The following ESCO1 variants were observed in gnomAD, a reference collection of about 807,000 sequenced individuals.
ESCO1 encodes establishment of sister chromatid cohesion N-acetyltransferase 1.
ESCO1 carries 33 observed loss-of-function variants against 83.5 expected under a neutral mutation model. That is an observed-to-expected ratio of 0.40 (90% CI 0.30 to 0.53). The LOEUF is 0.53. ESCO1 is among the 20% of genes least tolerant of loss of function. The pLI is 0.63. For synonymous variants in ESCO1, 332 were observed against 324.3 expected (o/e 1.02, Z -0.25); for missense variants, 855 against 968.0 (o/e 0.88, Z 1.55).
At chr18:21,569,362 G>A (rs1011787975) in intron 4 of ESCO1, among the ~76,000 whole-genome samples, 4 of 151,978 alleles carry the variant, frequency 2.6e-5, no homozygotes, top group African/African-American at 9.7e-5. Context: ...CTTTTGGGAG[G>A]CTGAGGCGGG....
At chr18:21,547,240 G>T (rs1328971928) in intron 8 of ESCO1, among the ~76,000 whole-genome samples, 1 of 150,814 alleles carries the variant, frequency 6.6e-6, no homozygotes, top group Non-Finnish European at 1.5e-5. Context: ...TTACATAAAA[G>T]ATCTTTATAA....
At chr18:21,536,590 CA>C (rs35366987) in intron 9 of ESCO1, among the ~76,000 whole-genome samples, 53,487 of 96,834 alleles carry the variant, frequency 0.55, 13,060 homozygotes, top group Middle Eastern at 0.67. Context: ...GACTCCATCT[CA>C]AAAAAAAAAA....
chr18:21,574,249 T>G lies in ESCO1; in HGVS notation c.595A>C (p.Asn199His). The part of the protein sequence containing the change: ...DENLVINEVI[N>H]SPKGKKRKVE... The stretch of plus-strand genomic sequence containing the variant: ...TTGCGTTTTTTCCCTTTGGGAGAAT[T>G]TATTACTTCATTAATTACTAGATTT... The change falls in exon 4 of 12, where the codon AAT (asparagine) becomes CAT (histidine). Residue 199 changes from asparagine to histidine, a missense_variant. This residue lies in a region of ESCO1 where 726 missense variants were observed against 699.5 expected (regional missense o/e 1.04). Transcript: ENST00000269214. The G allele has an allele frequency of 6.2e-7, 1 of 1,613,900 alleles. No homozygotes were observed. The highest frequency in any genetic ancestry group is 8.5e-7 in the Non-Finnish European group (1 of 1,180,008).
rs766040297 is a variant in ESCO1 at position 21,530,398 on chromosome 18, C to T, written c.2468G>A (p.Cys823Tyr). The change falls in exon 12 of 12, where the codon TGT becomes TAT. Residue 823 changes from cysteine (C) to tyrosine (Y), a missense_variant. Physicochemically the swap from Cys to Tyr is radical, Grantham distance 194. Transcript: ENST00000269214. ...ATATACCAGAAATTGACCAGTGCCA[C>T]AGTACTGTGTTGCAAACAGCTTTCC... Reference protein sequence around the residue: ...PDGKLFATQYCGTGQFLVYNF... With the variant: ...PDGKLFATQYYGTGQFLVYNF... The T allele has an allele frequency of 6.2e-7, 1 of 1,607,404 alleles. No homozygotes were observed. Among genetic ancestry groups the T allele is most frequent in the Non-Finnish European group, 8.5e-7 (1 of 1,178,110 alleles).
At chr18:21,551,241 C>A (rs1482312343) in intron 8 of ESCO1, among the ~76,000 whole-genome samples, 1 of 151,424 alleles carries the variant, frequency 6.6e-6, no homozygotes, top group African/African-American at 2.4e-5. Context: ...GAGGCCGAGG[C>A]GGACAGATCA....
At chr18:21,543,124 T>C (rs2037927705) in intron 8 of ESCO1, among the ~76,000 whole-genome samples, 1 of 152,226 alleles carries the variant, frequency 6.6e-6, no homozygotes, top group Non-Finnish European at 1.5e-5. Flanking sequence ...ATTCCTAATT[T>C]GTATTTCTAA....
intron 5 of ESCO1, among the ~76,000 whole-genome samples, chr18:21,567,422 T>G (rs1264114429): frequency 6.6e-6 from 1 of 151,882 alleles, no homozygotes; most frequent in Non-Finnish European, 1.5e-5. Flanking sequence ...GCCTAGGCAT[T>G]CCAAAGTGCT....
At chr18:21,543,051 T>C (rs754221593) in intron 8 of ESCO1, among the ~76,000 whole-genome samples, 23 of 152,240 alleles carry the variant, frequency 1.5e-4, no homozygotes, top group Non-Finnish European at 2.9e-4. Flanking sequence ...CAAGTAGTAT[T>C]TTCCAAAACC....
intron 1 of ESCO1, among the ~76,000 whole-genome samples, chr18:21,587,009 C>A (rs542932098): frequency 6.6e-6 from 1 of 152,180 alleles, no homozygotes; most frequent in African/African-American, 2.4e-5. Flanking sequence ...ATGTCCGTTT[C>A]TTTCCTTTAT....
intron 1 of ESCO1, among the ~76,000 whole-genome samples, chr18:21,598,319 A>T (rs1018225446): frequency 1.3e-5 from 2 of 152,368 alleles, no homozygotes. Context: ...AGTTAATGGC[A>T]TTCATTAATT....
intron 9 of ESCO1, among the ~76,000 whole-genome samples, chr18:21,536,635 A>C (rs1047977680): frequency 1.1e-4 from 16 of 151,972 alleles, no homozygotes; most frequent in Non-Finnish European, 7.4e-5. Flanking sequence ...TGTACTGATC[A>C]ATAACTGTTT....
chr18:21,599,788 CATT>C (rs2146245182), intron 1 of ESCO1, among the ~76,000 whole-genome samples: 1 of 152,274 alleles, frequency 6.6e-6, no homozygotes, highest in African/African-American at 2.4e-5. Context: ...TCGGACGCAT[CATT>C]GAGAGGCGGA....
At chr18:21,550,491 T>C (rs2038031584) in intron 8 of ESCO1, among the ~76,000 whole-genome samples, 1 of 152,216 alleles carries the variant, frequency 6.6e-6, no homozygotes, top group Admixed American at 6.5e-5. Context: ...AAAATCTCTT[T>C]ATTAGGATTC....
At chr18:21,568,924 T>C (rs1381989030) in intron 4 of ESCO1, among the ~76,000 whole-genome samples, 1 of 151,052 alleles carries the variant, frequency 6.6e-6, no homozygotes, top group Non-Finnish European at 1.5e-5. Flanking sequence ...AAAAGACAGG[T>C]TAAATAAAAG....
intron 8 of ESCO1, among the ~76,000 whole-genome samples, chr18:21,542,413 T>A (rs1466458471): frequency 6.6e-6 from 1 of 152,184 alleles, no homozygotes; most frequent in Non-Finnish European, 1.5e-5. Context: ...AGGGTTTAGA[T>A]CCTTGTTCTT....
chr18:21,539,889 C>T (rs1169411145), intron 9 of ESCO1, 31 bp downstream of exon 9: 2 of 1,554,454 alleles, frequency 1.3e-6, no homozygotes, highest in Non-Finnish European at 1.8e-6. Flanking sequence ...TGATATTATC[C>T]ACTCTACATG....
chr18:21,549,445 C>T (rs1029258551), intron 8 of ESCO1, among the ~76,000 whole-genome samples: 1 of 151,912 alleles, frequency 6.6e-6, no homozygotes, highest in African/African-American at 2.4e-5. Flanking sequence ...GACGGAGTCT[C>T]GCTCTGTTGC....
At chr18:21,545,651 G>A (rs1186377311) in intron 8 of ESCO1, among the ~76,000 whole-genome samples, 3 of 151,054 alleles carry the variant, frequency 2.0e-5, no homozygotes, top group African/African-American at 4.9e-5. Flanking sequence ...AGTTGAGGCC[G>A]GGCGCAGTGG....
intron 6 of ESCO1, 31 bp from the exon 7 acceptor site, chr18:21,564,348 A>T (rs1445053977): frequency 1.4e-6 from 2 of 1,382,158 alleles, no homozygotes; most frequent in South Asian, 2.5e-5. Context: ...TAAATGTTAC[A>T]GATCCAAGTC....
Sources: gnomAD v4.1 joint callset for allele counts (sites outside exome capture counted in the v4.1 genomes callset) on GRCh38, gnomAD v4.1.1 for gene constraint, gnomAD v4.1.1 regional missense constraint, MANE v1.5 for transcripts, NCBI Gene and HGNC (gene_info 2026-07-23, HGNC 2026-07-21) for gene names.